USP47: variants seen among roughly 807,000 people sequenced by gnomAD.
The protein encoded by USP47 is ubiquitin specific peptidase 47, also known as ubiquitin carboxyl-terminal hydrolase 47.
A neutral mutation model predicts 165.1 loss-of-function variants in USP47; 35 were observed. The observed-to-expected ratio is 0.21, with a 90% CI of 0.16 to 0.28. USP47 has a LOEUF of 0.28. USP47 is among the 10% of genes least tolerant of loss of function. USP47 has a pLI of 1.00. For missense variants in USP47, 1,277 were observed against 1,607.4 expected (o/e 0.79, Z 3.52); for synonymous variants, 531 against 544.5 (o/e 0.98, Z 0.35).
intron 16 of USP47, among the ~76,000 whole-genome samples, chr11:11,935,793 A>G (rs539564793): frequency 9.2e-5 from 14 of 152,084 alleles, no homozygotes; most frequent in African/African-American, 3.1e-4. Flanking sequence ...TCTGGAGGCT[A>G]ATATTGAAAG....
intron 22 of USP47, 69 bp from the exon 23 acceptor site, chr11:11,949,820 T>G: frequency 9.7e-7 from 1 of 1,026,200 alleles, no homozygotes; most frequent in Non-Finnish European, 1.4e-6. Flanking sequence ...TAATTTTTAT[T>G]TTAATGTGTT....
chr11:11,959,390 C>G lies in USP47; in HGVS notation c.*3215C>G, dbSNP rs1406708472. On this transcript the variant is annotated 3_prime_UTR_variant, in exon 28 of 28. Transcript: ENST00000527733. ...CACTAGTAGTCAAAATCTTATAAGG[C>G]CATATGTCCTGAAAGGCAAAACTCT... is the stretch of plus-strand genomic sequence containing the variant. The G allele has an allele frequency of 6.6e-6, 1 of 152,074 alleles. No individual in the cohort carries two copies. Among genetic ancestry groups the G allele is most frequent in the Non-Finnish European group, 1.5e-5 (1 of 68,028 alleles). The allele number at this position is 152,074 out of a possible 1,614,324, so 9.4% of individuals were successfully genotyped here. A position where few individuals can be genotyped will look rare whatever the true frequency, so the allele number is the denominator to read the frequency against.
intron 20 of USP47, among the ~76,000 whole-genome samples, chr11:11,944,765 T>A (rs1017740623): frequency 2.0e-5 from 3 of 152,166 alleles, no homozygotes; most frequent in African/African-American, 7.2e-5. Context: ...ACTGCTCTGC[T>A]TTTTTACCAT....
chr11:11,842,878 G>A lies in USP47; in HGVS notation c.39+654G>A, dbSNP rs573659658. On this transcript the variant is annotated intron_variant, in intron 1 of 27. Coordinates refer to ENST00000527733, the MANE Select transcript of USP47 (RefSeq NM_001282659.2). ...TTTTTTTTGAGGTTGGGTTGTGTAT[G>A]CCAATTTGAGTGACTTCTTAAATTC... Among the ~76,000 whole-genome samples the A allele has an allele frequency of 2.5e-4, 35 of 140,030 alleles. 1 individual carries two copies. The highest frequency in any genetic ancestry group is 3.6e-3 in the Middle Eastern group (1 of 278). 91.9% of individuals were successfully genotyped at this position (140,030 alleles called of 152,430 possible). A position where few individuals can be genotyped will look rare whatever the true frequency, so the allele number is the denominator to read the frequency against.
At chr11:11,892,165 G>A (rs1851556693) in intron 4 of USP47, 59 bp downstream of exon 4, 7 of 1,536,882 alleles carry the variant, frequency 4.6e-6, no homozygotes, top group Non-Finnish European at 5.3e-6. Context: ...TAATCTTAGC[G>A]ATTTGAAGCC....
rs1305191850 is a variant in USP47 at position 11,960,841 on chromosome 11, A to G, written c.*4666A>G. Among the ~76,000 whole-genome samples the G allele has an allele frequency of 6.6e-6, 1 of 152,198 alleles. No homozygotes were observed. The highest frequency in any genetic ancestry group is 1.9e-4 in the East Asian group (1 of 5,190). Reference sequence around the variant, plus strand: ...AGTATCTGGAGAGGATGTGCAGACCACAGGAATACCTAATGCCTTTTTTCT... The same window carrying G: ...AGTATCTGGAGAGGATGTGCAGACCGCAGGAATACCTAATGCCTTTTTTCT... On this transcript the variant is annotated 3_prime_UTR_variant, in exon 28 of 28. Coordinates refer to ENST00000527733, the MANE Select transcript of USP47 (RefSeq NM_001282659.2).
At chr11:11,897,555 T>C (rs1162951300) in intron 4 of USP47, 42 bp from the exon 5 acceptor site, 1 of 1,393,472 alleles carries the variant, frequency 7.2e-7, no homozygotes, top group Non-Finnish European at 9.9e-7. Flanking sequence ...TTATTTTTAA[T>C]GTAAATGCTG....
chr11:11,907,800 T>A (rs1313139996), intron 8 of USP47, among the ~76,000 whole-genome samples: 1 of 152,116 alleles, frequency 6.6e-6, no homozygotes, highest in African/African-American at 2.4e-5. Flanking sequence ...TTTAATATAT[T>A]AGATATAGAC....
At chr11:11,900,173 T>TC (rs1432087148) in intron 5 of USP47, among the ~76,000 whole-genome samples, 1 of 146,154 alleles carries the variant, frequency 6.8e-6, no homozygotes, top group African/African-American at 2.5e-5. Context: ...TTTTTTTTTT[T>TC]TTTTTGAGAC....
intron 1 of USP47, among the ~76,000 whole-genome samples, chr11:11,851,900 T>C (rs1028269432): frequency 1.6e-4 from 25 of 152,156 alleles, no homozygotes; most frequent in African/African-American, 6.0e-4. Flanking sequence ...TGGGATGTGT[T>C]CTTCTTAGTG....
intron 1 of USP47, chr11:11,873,947 C>T: frequency 1.4e-6 from 1 of 723,592 alleles, no homozygotes; most frequent in Non-Finnish European, 2.0e-6. Context: ...CAAGGCATGT[C>T]TTAAGTTTTA....
intron 5 of USP47, 27 bp downstream of exon 5, chr11:11,897,720 T>A: frequency 7.0e-7 from 1 of 1,437,654 alleles, no homozygotes; most frequent in South Asian, 1.3e-5. Context: ...ATTGTATACA[T>A]AAAATTGATT....
intron 1 of USP47, among the ~76,000 whole-genome samples, chr11:11,872,639 C>T (rs995548989): frequency 2.0e-5 from 3 of 152,204 alleles, no homozygotes; most frequent in Non-Finnish European, 4.4e-5. Flanking sequence ...TTAGTTACCA[C>T]TGCACAGCAT....
intron 1 of USP47, among the ~76,000 whole-genome samples, chr11:11,868,277 C>T (rs1271128607): frequency 1.3e-5 from 2 of 152,170 alleles, no homozygotes; most frequent in Non-Finnish European, 2.9e-5. Flanking sequence ...TTAGTAACCA[C>T]ACTCACTTCC....
intron 5 of USP47, 79 bp downstream of exon 5, chr11:11,897,772 C>T (rs944885459): frequency 9.6e-6 from 10 of 1,044,814 alleles, no homozygotes; most frequent in Non-Finnish European, 1.4e-5. Context: ...TATCTTCTTG[C>T]AGTTATTTTA....
intron 3 of USP47, among the ~76,000 whole-genome samples, chr11:11,886,404 C>G (rs1384316867): frequency 6.6e-6 from 1 of 152,152 alleles, no homozygotes; most frequent in Non-Finnish European, 1.5e-5. Flanking sequence ...CATTACTGAC[C>G]TGATAGAGCT....
At position 11,842,119 on chromosome 11, in the gene USP47, A is replaced by G; in HGVS notation, c.-67A>G. 1 of 1,537,918 alleles carries G rather than the reference A, an allele frequency of 6.5e-7. No homozygotes were observed. The highest frequency in any genetic ancestry group is 8.8e-7 in the Non-Finnish European group (1 of 1,137,394). On this transcript the variant is annotated 5_prime_UTR_variant, in exon 1 of 28. An upstream open reading frame in the 5' UTR loses its in-frame stop. Coordinates refer to ENST00000527733, the MANE Select transcript of USP47 (RefSeq NM_001282659.2). The stretch of plus-strand genomic sequence containing the variant: ...TGACTGCCGCTGCCATTCTCTCTTG[A>G]GCTAGCGAGCCGCCGCCACCCTCCA...
At chr11:11,911,623 TAACTAAAA>T (rs1482474315) in intron 8 of USP47, among the ~76,000 whole-genome samples, 1 of 151,882 alleles carries the variant, frequency 6.6e-6, no homozygotes, top group Non-Finnish European at 1.5e-5. Context: ...AAAACTGTCA[TAACTAAAA>T]GGAAAAAGAC....
intron 8 of USP47, among the ~76,000 whole-genome samples, chr11:11,909,376 A>G (rs1352413147): frequency 6.6e-6 from 1 of 152,190 alleles, no homozygotes. Flanking sequence ...TGCCAACCCC[A>G]TGTGAGAATG....
Sources: gnomAD v4.1 joint callset for allele counts (sites outside exome capture counted in the v4.1 genomes callset) on GRCh38, gnomAD v4.1.1 for gene constraint, MANE v1.5 for transcripts, NCBI Gene and HGNC (gene_info 2026-07-23, HGNC 2026-07-21) for gene names.